Variants in CDH13 observed in about 807,000 individuals in gnomAD.
The protein encoded by CDH13 is cadherin 13, also known as cadherin-13.
Under a neutral mutation model 63.8 loss-of-function variants are expected in CDH13, and 24 were observed. That is an observed-to-expected ratio of 0.38 (90% confidence interval 0.27 to 0.53). CDH13 has a LOEUF of 0.53. Ranked by LOEUF, CDH13 falls within the 20% of genes least tolerant of loss-of-function variation. The pLI, the probability that CDH13 is intolerant of heterozygous loss-of-function variation, is 0.85. For missense variants in CDH13, 1,049 were observed against 903.1 expected (o/e 1.16, Z -2.07); for synonymous variants, 503 against 355.3 (o/e 1.42, Z -4.67).
chr16:83,609,526 A>C (rs1908667776), intron 8 of CDH13, among the ~76,000 whole-genome samples: 1 of 152,220 alleles, frequency 6.6e-6, no homozygotes. Context: ...TGTGTTTATT[A>C]TGATTCATTC....
chr16:83,397,652 G>C (rs1290157406), intron 6 of CDH13, among the ~76,000 whole-genome samples: 1 of 152,158 alleles, frequency 6.6e-6, no homozygotes, highest in Non-Finnish European at 1.5e-5. Context: ...TTGAAGAGTT[G>C]CTTATTTGAT....
chr16:82,653,622 G>T (rs1317621694), intron 1 of CDH13, among the ~76,000 whole-genome samples: 3 of 152,180 alleles, frequency 2.0e-5, no homozygotes, highest in Non-Finnish European at 2.9e-5. Context: ...CAAGGTGCAG[G>T]GCTGCAGGGG....
In CDH13 at chr16:83,068,589, C is replaced by A. The variant is rs191675687; in HGVS notation, c.366+36371C>A. 1.1e-3 allele frequency among the ~76,000 whole-genome samples: 169 copies of A among 152,282 alleles called. 1 individual carries two copies. Among genetic ancestry groups the A allele is most frequent in the African/African-American group, 3.9e-3 (163 of 41,556 alleles). The stretch of plus-strand genomic sequence containing the variant: ...TGACCCTCTGAACCAGCCACCTGAC[C>A]ATTCTTCTGACTTCCCAATAAGCCT... On this transcript the variant is annotated intron_variant, in intron 3 of 13. Transcript: ENST00000567109.
intron 1 of CDH13, among the ~76,000 whole-genome samples, chr16:82,786,969 G>A (rs1392269642): frequency 1.3e-5 from 2 of 152,104 alleles, no homozygotes; most frequent in Admixed American, 6.5e-5. Context: ...GGCTTCAAAC[G>A]CTTCTAAATT....
chr16:82,731,289 G>A (rs2033390192), intron 1 of CDH13, among the ~76,000 whole-genome samples: 1 of 152,174 alleles, frequency 6.6e-6, no homozygotes, highest in South Asian at 2.1e-4. Context: ...AACAGTCATA[G>A]AATATACATA....
At chr16:83,710,341 C>G (rs538068556) in intron 10 of CDH13, 4 of 152,192 alleles carry the variant, frequency 2.6e-5, no homozygotes, top group Non-Finnish European at 4.4e-5. Context: ...AAGGCCATTT[C>G]GAAAAACCTG....
chr16:83,000,605 T>C (rs1434951960), intron 2 of CDH13, among the ~76,000 whole-genome samples: 1 of 150,708 alleles, frequency 6.6e-6, no homozygotes. Flanking sequence ...TGTTTTGTTT[T>C]TTGAGAGGGA....
chr16:83,411,932 G>A (rs533665836), intron 6 of CDH13, among the ~76,000 whole-genome samples: 23 of 152,252 alleles, frequency 1.5e-4, no homozygotes, highest in African/African-American at 4.6e-4. Context: ...CATGATAAGC[G>A]CATAAGGAGC....
chr16:82,654,015 G>A (rs1358357278), intron 1 of CDH13, among the ~76,000 whole-genome samples: 1 of 152,170 alleles, frequency 6.6e-6, no homozygotes, highest in East Asian at 1.9e-4. Context: ...CCAGCTTCTG[G>A]TTGGAATCAC....
chr16:83,238,230 A>AG (rs1904280044), intron 5 of CDH13, among the ~76,000 whole-genome samples: 2 of 151,762 alleles, frequency 1.3e-5, no homozygotes, highest in East Asian at 3.9e-4. Context: ...ATTTAAAAAA[A>AG]AAAGAGAGAT....
chr16:83,230,141 A>G (rs1411545866), intron 5 of CDH13, among the ~76,000 whole-genome samples: 1 of 152,106 alleles, frequency 6.6e-6, no homozygotes, highest in Non-Finnish European at 1.5e-5. Flanking sequence ...GCATTTCACA[A>G]TTAGTCGTGA....
chr16:82,895,958 T>C (rs1441719976), intron 2 of CDH13, among the ~76,000 whole-genome samples: 1 of 152,026 alleles, frequency 6.6e-6, no homozygotes, highest in Admixed American at 6.6e-5. Flanking sequence ...TTCGCAGGCA[T>C]TATCCCTCTT....
At chr16:83,735,550 C>T (rs939927354) in intron 10 of CDH13, 2 of 152,168 alleles carry the variant, frequency 1.3e-5, no homozygotes, top group African/African-American at 4.8e-5. Context: ...CAGCCCTCTC[C>T]CTGCTGCCAT....
chr16:83,363,248 T>G (rs1486825475), intron 6 of CDH13, among the ~76,000 whole-genome samples: 4 of 152,232 alleles, frequency 2.6e-5, no homozygotes, highest in Non-Finnish European at 5.9e-5. Flanking sequence ...CTGCTTCTTG[T>G]GCTTCATTGA....
chr16:83,243,005 T>C (rs573458360), intron 5 of CDH13, among the ~76,000 whole-genome samples: 1 of 152,284 alleles, frequency 6.6e-6, no homozygotes, highest in South Asian at 2.1e-4. Flanking sequence ...TTATTTTCAT[T>C]TGAATGTTGA....
intron 1 of CDH13, among the ~76,000 whole-genome samples, chr16:82,817,869 C>CTATACA (rs1349942286): frequency 1.4e-4 from 21 of 152,210 alleles, no homozygotes; most frequent in Non-Finnish European, 2.6e-4. Flanking sequence ...ATGAATATAC[C>CTATACA]TATACATATA....
chr16:83,593,230 C>T (rs1198546661), intron 7 of CDH13, among the ~76,000 whole-genome samples: 1 of 152,180 alleles, frequency 6.6e-6, no homozygotes. Context: ...GAATGAATTC[C>T]ATTACATCTT....
At chr16:83,269,483 T>A (rs2088730067) in intron 5 of CDH13, among the ~76,000 whole-genome samples, 1 of 151,740 alleles carries the variant, frequency 6.6e-6, no homozygotes, top group Admixed American at 6.6e-5. Context: ...GTTGGCAGAA[T>A]AAAATTCTTA....
At chr16:83,559,420 A>C (rs2075659824) in intron 7 of CDH13, among the ~76,000 whole-genome samples, 1 of 151,994 alleles carries the variant, frequency 6.6e-6, no homozygotes, top group South Asian at 2.1e-4. Context: ...AAAAATATGA[A>C]ATTAGCTGGG....
Sources: allele counts gnomAD v4.1 joint callset (sites outside exome capture counted in the v4.1 genomes callset), GRCh38; gene constraint gnomAD v4.1.1; transcripts MANE v1.5; gene names NCBI Gene and HGNC (gene_info 2026-07-23, HGNC 2026-07-21).